The following WNT16 variants were observed in gnomAD, a reference collection of about 807,000 sequenced individuals.
WNT16 encodes Wnt family member 16, also known as protein Wnt-16.
WNT16 carries 20 observed loss-of-function variants against 35.4 expected under a neutral mutation model. The ratio of observed to expected loss-of-function variants is 0.56; its 90% CI spans 0.40 to 0.82. The LOEUF (loss-of-function observed/expected upper bound fraction) is 0.82. Ranked by LOEUF, WNT16 falls within the 40% of genes least tolerant of loss-of-function variation. The probability of loss-of-function intolerance (pLI) is 0.00; values close to 1 mark genes in which losing one functional copy is unlikely to be tolerated. For synonymous variants in WNT16, 180 were observed against 179.2 expected, an observed-to-expected ratio of 1.00 and a Z score of -0.03; for missense variants, 461 against 466.0, an observed-to-expected ratio of 0.99 and a Z score of 0.10.
In WNT16 at chr7:121,331,659, C is replaced by T. The variant is rs766092086; in HGVS notation, c.347-19C>T. On this transcript the variant is annotated intron_variant, in intron 2 of 3. Coordinates refer to ENST00000222462, the MANE Select transcript of WNT16 (RefSeq NM_057168.2). ...GAAGTTGCCTGGTTCTCTAATTTAG[C>T]AATTTATATTTTTTCTAGGCACCAA... 1 of 1,595,594 alleles carries T rather than the reference C, an allele frequency of 6.3e-7. No individual in the cohort carries two copies. The highest frequency in any genetic ancestry group is 1.1e-5 in the South Asian group (1 of 90,256).
In WNT16 at chr7:121,339,712, A is replaced by G. The variant is rs1182084078; in HGVS notation, c.*367A>G. ...AGATCCTTGAATATGGAACTTAGTTACAGGACTCAATAATGGTGGGTGAAC... is the reference window on the plus strand; with the variant it reads ...AGATCCTTGAATATGGAACTTAGTTGCAGGACTCAATAATGGTGGGTGAAC... On this transcript the variant is annotated 3_prime_UTR_variant, in exon 4 of 4. Coordinates refer to ENST00000222462, the MANE Select transcript of WNT16 (RefSeq NM_057168.2). 1.7e-5 allele frequency: 7 copies of G among 403,128 alleles called. No individual in the cohort carries two copies. In the Admixed American group the frequency reaches 2.7e-4, roughly 16 times the overall value. The allele number at this position is 403,128 out of a possible 1,614,324, so 25.0% of individuals were successfully genotyped here.
chr7:121,326,614 A>C (rs1793248051), upstream of WNT16, among the ~76,000 whole-genome samples: 1 of 152,126 alleles, frequency 6.6e-6, no homozygotes, highest in African/African-American at 2.4e-5. Context: ...AGACTGAAAT[A>C]AGTAATCTTC....
At chr7:121,328,247 T>C (rs1444884890), upstream of WNT16, among the ~76,000 whole-genome samples, 2 of 152,184 alleles carry the variant, frequency 1.3e-5, no homozygotes, top group Non-Finnish European at 2.9e-5. Flanking sequence ...AAGGTAGGAC[T>C]GGAGAAAAAG....
Position 121,339,585 on chromosome 7 carries a change from T to C in WNT16, c.*240T>C. The C allele has an allele frequency of 2.0e-6, 1 of 507,530 alleles. No individual in the cohort carries two copies. Among genetic ancestry groups the C allele is most frequent in the Non-Finnish European group, 3.5e-6 (1 of 287,642 alleles). The allele number at this position is 507,530 out of a possible 1,614,324, so 31.4% of individuals were successfully genotyped here. ...AAGGTTTATATTCACCTTTTGATGATTTGGGGAATATATATTGACATACAA... is the reference window on the plus strand; with the variant it reads ...AAGGTTTATATTCACCTTTTGATGACTTGGGGAATATATATTGACATACAA... On this transcript the variant is annotated 3_prime_UTR_variant, in exon 4 of 4. Coordinates refer to ENST00000222462, the MANE Select transcript of WNT16 (RefSeq NM_057168.2).
chr7:121,325,409 G>C (rs1793228628), upstream of WNT16: 2 of 1,464,890 alleles, frequency 1.4e-6, no homozygotes, highest in Admixed American at 3.8e-5. Flanking sequence ...AAGATGGAAA[G>C]GCACCCATGC....
intron 3 of WNT16, 108 bp downstream of exon 3, chr7:121,332,072 A>G: frequency 7.6e-7 from 1 of 1,322,458 alleles, no homozygotes. Flanking sequence ...AAACACTGGC[A>G]GCCCTCAAGT....
chr7:121,334,287 C>T (rs1010775264), intron 3 of WNT16, among the ~76,000 whole-genome samples: 1 of 151,748 alleles, frequency 6.6e-6, no homozygotes, highest in Non-Finnish European at 1.5e-5. Context: ...AAAACATTTT[C>T]CTGGTTATTT....
At chr7:121,333,121 A>G (rs2116837649) in intron 3 of WNT16, among the ~76,000 whole-genome samples, 1 of 152,180 alleles carries the variant, frequency 6.6e-6, no homozygotes, top group East Asian at 1.9e-4. Context: ...AATATTCAAT[A>G]ACTTATAAAG....
chr7:121,339,030 C>A lies in WNT16; in HGVS notation c.783C>A (p.Asp261Glu), dbSNP rs980096204. ...ATGAAAACAGTATCCAGATATCAGA[C>A]AAAACAAAGAGGAAAATGCGCAGGA... ...DKYENSIQIS[D>E]KTKRKMRRRE... Residue 261 changes from aspartate to glutamate, a missense_variant, in exon 4 of 4, where the codon GAC (aspartate) becomes GAA (glutamate). Transcript: ENST00000222462. 1.9e-6 allele frequency: 3 copies of A among 1,613,940 alleles called. No individual in the cohort carries two copies. The highest frequency in any genetic ancestry group is 2.5e-6 in the Non-Finnish European group (3 of 1,179,970).
chr7:121,339,272 G>GT lies in WNT16; in HGVS notation c.1026dup (p.Lys343Ter). ...GTCAGGCACGTGGAGAGGTGTGAGT[G>GT]TAAGTTCATCTGGTGCTGCTATGTC... On this transcript the variant is annotated frameshift_variant, in exon 4 of 4. Transcript: ENST00000222462. LOFTEE classifies it high-confidence loss of function. 1 of 1,614,180 alleles carries GT rather than the reference G, an allele frequency of 6.2e-7. No homozygotes were observed. Among genetic ancestry groups the GT allele is most frequent in the Non-Finnish European group, 8.5e-7 (1 of 1,180,026 alleles).
intron 3 of WNT16, among the ~76,000 whole-genome samples, chr7:121,334,075 A>G (rs541006846): frequency 6.6e-6 from 1 of 152,108 alleles, no homozygotes; most frequent in African/African-American, 2.4e-5. Context: ...ATTAATTTAA[A>G]TCCATTTTTA....
chr7:121,329,087 GCT>G lies in WNT16; in HGVS notation c.-200_-199del. 1 of 1,309,142 alleles carries G rather than the reference GCT, an allele frequency of 7.6e-7. No homozygotes were observed. The highest frequency in any genetic ancestry group is 9.7e-7 in the Non-Finnish European group (1 of 1,030,190). 81.1% of individuals were successfully genotyped at this position (1,309,142 alleles called of 1,614,324 possible). A position where few individuals can be genotyped will look rare whatever the true frequency, so the allele number is the denominator to read the frequency against. ...CTGCGCAGGAGGAGATCCCCAGGCTGCTCTCTCCATCTCTCCTACAGCTCCCT... is the reference window on the plus strand; with the variant it reads ...CTGCGCAGGAGGAGATCCCCAGGCTGCTCTCCATCTCTCCTACAGCTCCCT... On this transcript the variant is annotated 5_prime_UTR_variant, in exon 1 of 4. The change creates a premature stop within an existing upstream ORF in the 5' untranslated region. Coordinates refer to ENST00000222462, the MANE Select transcript of WNT16 (RefSeq NM_057168.2).
At chr7:121,338,342 G>A (rs1021247185) in intron 3 of WNT16, among the ~76,000 whole-genome samples, 6 of 152,164 alleles carry the variant, frequency 3.9e-5, no homozygotes, top group African/African-American at 1.4e-4. Flanking sequence ...TGAGAGCTAA[G>A]GGTAACTTCT....
At chr7:121,328,356 G>A (rs1793276083), upstream of WNT16, among the ~76,000 whole-genome samples, 1 of 152,198 alleles carries the variant, frequency 6.6e-6, no homozygotes, top group South Asian at 2.1e-4. Context: ...CTCAGGGACT[G>A]CAGGAAATAA....
upstream of WNT16, among the ~76,000 whole-genome samples, chr7:121,327,900 T>C (rs577539789): frequency 1.2e-4 from 19 of 152,310 alleles, no homozygotes; most frequent in African/African-American, 4.6e-4. Context: ...AATCTGCCAG[T>C]AACTGGAACA....
At chr7:121,337,581 G>A (rs1368040242) in intron 3 of WNT16, among the ~76,000 whole-genome samples, 2 of 152,264 alleles carry the variant, frequency 1.3e-5, no homozygotes, top group South Asian at 2.1e-4. Context: ...TTGACAGAAC[G>A]TCAACTCCAC....
rs373970323 is a variant in WNT16 at position 121,331,946 on chromosome 7, C to T, written c.615C>T (p.Asn205=). The T allele has an allele frequency of 6.2e-7, 1 of 1,613,826 alleles. No individual in the cohort carries two copies. Among genetic ancestry groups the T allele is most frequent in the Non-Finnish European group, 8.5e-7 (1 of 1,179,880 alleles). The change falls in exon 3 of 4, where the codon AAC becomes AAT. Residue 205 remains asparagine (N), a synonymous_variant. Transcript: ENST00000222462. ...NKVLLAMNLH[N]NEAGRQAVAK... is the part of the protein sequence containing the mutation. The stretch of plus-strand genomic sequence containing the variant: ...TACTATTAGCAATGAACCTACATAA[C>T]AATGAAGCTGGAAGGCAGGTATGTA...
chr7:121,339,037 AAG>A lies in WNT16; in HGVS notation c.793_794del (p.Arg265GlufsTer16). ...CAGTATCCAGATATCAGACAAAACA[AAG>A]AGGAAAATGCGCAGGAGAGAAAAAG... ...ENSIQISDKT[K>X]RKMRRREKDQ... On this transcript the variant is annotated frameshift_variant, in exon 4 of 4. Coordinates refer to ENST00000222462, the MANE Select transcript of WNT16 (RefSeq NM_057168.2). LOFTEE classifies it high-confidence loss of function. 1 of 1,614,218 alleles carries A rather than the reference AAG, an allele frequency of 6.2e-7. No homozygotes were observed. The highest frequency in any genetic ancestry group is 8.5e-7 in the Non-Finnish European group (1 of 1,180,028).
chr7:121,336,816 A>G (rs2707470), intron 3 of WNT16, among the ~76,000 whole-genome samples: 37,910 of 151,886 alleles, frequency 0.25, 5,925 homozygotes, highest in African/African-American at 0.45. Flanking sequence ...GTCTGAAGTG[A>G]CTAATAAAAG....
Sources: gnomAD v4.1 joint callset for allele counts (sites outside exome capture counted in the v4.1 genomes callset) on GRCh38, gnomAD v4.1.1 for gene constraint, MANE v1.5 for transcripts, NCBI Gene and HGNC (gene_info 2026-07-23, HGNC 2026-07-21) for gene names.